The following ZBTB7C variants were observed in gnomAD, a reference collection of about 807,000 sequenced individuals.
ZBTB7C encodes the protein zinc finger and BTB domain containing 7C.
In ZBTB7C, 8 loss-of-function variants were observed where a neutral mutation model predicts 25.7. The ratio of observed to expected loss-of-function variants is 0.31; its 90% CI spans 0.18 to 0.56. The LOEUF (loss-of-function observed/expected upper bound fraction) is 0.56. Ranked by LOEUF, ZBTB7C falls within the 20% of genes least tolerant of loss-of-function variation. The pLI is 0.91. For missense variants in ZBTB7C, 824 were observed against 855.2 expected (o/e 0.96, Z 0.46); for synonymous variants, 394 against 369.0 (o/e 1.07, Z -0.78).
intron 2 of ZBTB7C, among the ~76,000 whole-genome samples, chr18:48,283,494 T>C (rs1419471271): frequency 1.3e-5 from 2 of 152,200 alleles, no homozygotes; most frequent in African/African-American, 4.8e-5. Flanking sequence ...TCAACAAACA[T>C]GTACTAAAAT....
At chr18:48,410,896 C>A (rs966237630), upstream of ZBTB7C, 5 of 152,276 alleles carry the variant, frequency 3.3e-5, no homozygotes, top group African/African-American at 1.2e-4. Flanking sequence ...TCCCGGCCGC[C>A]TAGTGCCCAT....
intron 2 of ZBTB7C, among the ~76,000 whole-genome samples, chr18:48,326,597 C>A (rs1004092930): frequency 2.8e-4 from 42 of 148,832 alleles, no homozygotes; most frequent in Admixed American, 4.7e-4. Context: ...ACAGAGCAAT[C>A]AAAAAAAAAA....
At chr18:48,303,590 G>A (rs954390857) in intron 2 of ZBTB7C, among the ~76,000 whole-genome samples, 1 of 152,214 alleles carries the variant, frequency 6.6e-6, no homozygotes, top group African/African-American at 2.4e-5. Flanking sequence ...GAGATGGGGT[G>A]GAAGACATCC....
intron 2 of ZBTB7C, among the ~76,000 whole-genome samples, chr18:48,236,921 C>A (rs910965806): frequency 5.3e-5 from 8 of 152,034 alleles, no homozygotes; most frequent in African/African-American, 1.9e-4. Context: ...ACTGAAAAAC[C>A]AAACAGGGGA....
chr18:48,084,614 C>T (rs1240153554), intron 3 of ZBTB7C, among the ~76,000 whole-genome samples: 1 of 152,186 alleles, frequency 6.6e-6, no homozygotes, highest in Non-Finnish European at 1.5e-5. Context: ...CCTATCACCC[C>T]TACCCTGGCC....
chr18:48,066,078 C>A (rs1044184562), intron 3 of ZBTB7C, among the ~76,000 whole-genome samples: 7 of 152,246 alleles, frequency 4.6e-5, no homozygotes. Context: ...GGTATCTGCT[C>A]TCTCCTTCAT....
chr18:48,270,249 CTTTCTT>C (rs2044435795), intron 2 of ZBTB7C, among the ~76,000 whole-genome samples: 2 of 134,662 alleles, frequency 1.5e-5, no homozygotes, highest in Non-Finnish European at 1.6e-5. Flanking sequence ...CTTTTTCTCT[CTTTCTT>C]TTTTTTTTTT....
chr18:48,155,817 T>A lies in ZBTB7C; in HGVS notation c.-17+30117A>T, dbSNP rs189195619. On this transcript the variant is annotated intron_variant, in intron 3 of 4. Coordinates refer to ENST00000590800, the MANE Select transcript of ZBTB7C (RefSeq NM_001318841.2). Reference sequence around the variant, plus strand: ...CTACCACTAGTTTAGTGCAAACCAATCTAGGGTTAGACTAGAAAAACCAGA... The same window carrying A: ...CTACCACTAGTTTAGTGCAAACCAAACTAGGGTTAGACTAGAAAAACCAGA... Among the ~76,000 whole-genome samples, 70 of 152,234 alleles carry A rather than the reference T, an allele frequency of 4.6e-4. 1 individual carries two copies. In the East Asian group the frequency reaches 9.1e-3, roughly 20 times the overall value.
chr18:48,192,711 C>T (rs1326492880), intron 2 of ZBTB7C, among the ~76,000 whole-genome samples: 2 of 152,240 alleles, frequency 1.3e-5, no homozygotes, highest in African/African-American at 4.8e-5. Context: ...ATCTGCCTGC[C>T]TTGGCATCCC....
chr18:48,395,271 G>A (rs1437711481), intron 1 of ZBTB7C, among the ~76,000 whole-genome samples: 76 of 28,098 alleles, frequency 2.7e-3, no homozygotes, highest in African/African-American at 0.02. Context: ...GAGAATGTGT[G>A]TGTGTGTGTG....
chr18:48,141,565 G>C (rs557898929), intron 3 of ZBTB7C, among the ~76,000 whole-genome samples: 1 of 151,398 alleles, frequency 6.6e-6, no homozygotes, highest in Non-Finnish European at 1.5e-5. Context: ...TGAACTGGGC[G>C]GGGGGGAAAG....
intron 3 of ZBTB7C, among the ~76,000 whole-genome samples, chr18:48,098,738 G>C (rs963246672): frequency 2.6e-5 from 4 of 152,178 alleles, no homozygotes; most frequent in Non-Finnish European, 5.9e-5. Context: ...GATTGGCTCA[G>C]GGATGGACAT....
chr18:48,298,143 G>T (rs2144726231), intron 2 of ZBTB7C, among the ~76,000 whole-genome samples: 1 of 152,192 alleles, frequency 6.6e-6, no homozygotes, highest in Admixed American at 6.5e-5. Context: ...AGCCAGACAT[G>T]GTGACACATG....
chr18:48,202,547 G>T lies in ZBTB7C; in HGVS notation c.-78-16552C>A, dbSNP rs942168201. Among the ~76,000 whole-genome samples the T allele has an allele frequency of 2.4e-4, 37 of 152,036 alleles. No individual in the cohort carries two copies. The Middle Eastern group carries it at 0.01, about 42-fold the overall frequency. ...TGGTGGCAGCGGGCTGCGAGGGTGG[G>T]TGTGCAAGCTAAACATGCAAAGGAA... On this transcript the variant is annotated intron_variant, in intron 2 of 4. Coordinates refer to ENST00000590800, the MANE Select transcript of ZBTB7C (RefSeq NM_001318841.2).
intron 2 of ZBTB7C, among the ~76,000 whole-genome samples, chr18:48,284,083 G>A (rs927310510): frequency 3.2e-4 from 48 of 152,116 alleles, no homozygotes; most frequent in African/African-American, 1.1e-3. Context: ...GGAGGCAGAG[G>A]TTGCAATGAG....
intron 1 of ZBTB7C, among the ~76,000 whole-genome samples, chr18:48,373,560 T>C (rs1172830857): frequency 6.6e-6 from 1 of 152,224 alleles, no homozygotes; most frequent in African/African-American, 2.4e-5. Context: ...AGGTTGAGCC[T>C]GGTGGAAGTT....
chr18:48,377,623 G>A (rs532604336), intron 1 of ZBTB7C, among the ~76,000 whole-genome samples: 26 of 152,298 alleles, frequency 1.7e-4, no homozygotes, highest in African/African-American at 6.0e-4. Context: ...TAGAACAACA[G>A]TATTTAAAAA....
At chr18:48,112,987 G>T (rs553355637) in intron 3 of ZBTB7C, among the ~76,000 whole-genome samples, 3 of 152,160 alleles carry the variant, frequency 2.0e-5, no homozygotes, top group Admixed American at 1.3e-4. Context: ...AAGTTTGCCC[G>T]TGTAGACAAC....
intron 3 of ZBTB7C, among the ~76,000 whole-genome samples, chr18:48,171,571 C>T (rs1052797442): frequency 6.6e-6 from 1 of 152,246 alleles, no homozygotes; most frequent in African/African-American, 2.4e-5. Flanking sequence ...GGCAAGGATG[C>T]TGTACCCATT....
Sources: gnomAD v4.1 joint callset for allele counts (sites outside exome capture counted in the v4.1 genomes callset) on GRCh38, gnomAD v4.1.1 for gene constraint, MANE v1.5 for transcripts, NCBI Gene and HGNC (gene_info 2026-07-23, HGNC 2026-07-21) for gene names.